The following CCDC14 variants were observed in gnomAD, a reference collection of about 807,000 sequenced individuals.
The protein encoded by CCDC14 is coiled-coil domain containing 14.
A neutral mutation model predicts 81.4 loss-of-function variants in CCDC14; 71 were observed. The ratio of observed to expected loss-of-function variants is 0.87; its 90% CI spans 0.72 to 1.06. CCDC14 has a LOEUF of 1.06. Among genes scored for constraint, CCDC14 ranks in the 50% least tolerant of loss-of-function variants. CCDC14 has a pLI of 0.00. For missense variants in CCDC14, 1,046 were observed against 1,047.3 expected (o/e 1.00, Z 0.02); for synonymous variants, 332 against 364.8 (o/e 0.91, Z 1.03).
At position 123,943,806 on chromosome 3, in the gene CCDC14, C is replaced by T. The variant is rs1358966823; in HGVS notation, c.1343+1043G>A. ...GCTTTCTAGAGGGTGGTGCACCCAC[C>T]GAGGGCATAGAAGCTCCATGCCCTT... is the stretch of plus-strand genomic sequence containing the variant. On this transcript the variant is annotated intron_variant, in intron 9 of 12. Transcript: ENST00000409697. Among the ~76,000 whole-genome samples, 3 of 152,246 alleles carry T rather than the reference C, an allele frequency of 2.0e-5. No homozygotes were observed. The East Asian group carries it at 5.8e-4, about 29-fold the overall frequency.
At chr3:123,927,068 A>G (rs560961765) in intron 12 of CCDC14, among the ~76,000 whole-genome samples, 40 of 152,228 alleles carry the variant, frequency 2.6e-4, no homozygotes, top group African/African-American at 9.2e-4. Flanking sequence ...AACAATGTGG[A>G]TGAATTTAGA....
intron 8 of CCDC14, among the ~76,000 whole-genome samples, chr3:123,945,562 T>C (rs1183278265): frequency 6.6e-6 from 1 of 152,084 alleles, no homozygotes; most frequent in East Asian, 1.9e-4. Context: ...TTGTGGACAG[T>C]AGATGTTTTT....
downstream of CCDC14, among the ~76,000 whole-genome samples, chr3:123,910,144 C>T (rs1055682866): frequency 6.6e-6 from 1 of 151,970 alleles, no homozygotes; most frequent in Non-Finnish European, 1.5e-5. Context: ...TGAAAATGGC[C>T]ACCCATGACT....
chr3:123,913,618 A>C lies in CCDC14; in HGVS notation c.*1161T>G. The C allele has an allele frequency of 1.0e-6, 1 of 984,542 alleles. No individual in the cohort carries two copies. Among genetic ancestry groups the C allele is most frequent in the African/African-American group, 1.7e-5 (1 of 57,234 alleles). The allele number at this position is 984,542 out of a possible 1,614,324, so 61.0% of individuals were successfully genotyped here. The stretch of plus-strand genomic sequence containing the variant: ...CTTAAATCTCTATCTGGAAAATCTG[A>C]ACATATCAAAGAGACTACAGCTGGC... On this transcript the variant is annotated 3_prime_UTR_variant, in exon 13 of 13. Coordinates refer to ENST00000409697, the MANE Select transcript of CCDC14 (RefSeq NM_001366335.1).
chr3:123,956,510 C>T (rs2037335465), intron 2 of CCDC14, 83 bp from the exon 3 acceptor site: 6 of 1,023,848 alleles, frequency 5.9e-6, no homozygotes, highest in Non-Finnish European at 8.6e-6. Context: ...CCAGCAAAGA[C>T]AAGAAAGCTT....
chr3:123,903,167 A>G (rs925296798), intron 5 of CCDC14, among the ~76,000 whole-genome samples: 2 of 152,206 alleles, frequency 1.3e-5, no homozygotes, highest in Non-Finnish European at 2.9e-5. Context: ...AAAATGAAAC[A>G]GAAGGAATTG....
rs867306107 is a variant in CCDC14 at position 123,933,091 on chromosome 3, C to T, written c.1426+582G>A. Among the ~76,000 whole-genome samples, 4 of 114,004 alleles carry T rather than the reference C, an allele frequency of 3.5e-5. No homozygotes were observed. The Middle Eastern group carries it at 0.014, about 385-fold the overall frequency. 74.8% of individuals were successfully genotyped at this position (114,004 alleles called of 152,430 possible). The stretch of plus-strand genomic sequence containing the variant: ...TCCAGCCTGGGCCACAGAGTGACGC[C>T]GTCTCAAAACAAACAAACAAACAAA... On this transcript the variant is annotated intron_variant, in intron 10 of 12. Coordinates refer to ENST00000409697, the MANE Select transcript of CCDC14 (RefSeq NM_001366335.1).
chr3:123,938,329 C>G (rs1034440942), intron 9 of CCDC14, among the ~76,000 whole-genome samples: 2 of 151,802 alleles, frequency 1.3e-5, no homozygotes, highest in African/African-American at 4.8e-5. Flanking sequence ...GTGTATGGGT[C>G]TTACATATTT....
chr3:123,895,467 A>G (rs1204435786), downstream of CCDC14, among the ~76,000 whole-genome samples: 1 of 152,176 alleles, frequency 6.6e-6, no homozygotes, highest in Non-Finnish European at 1.5e-5. Context: ...CTGAGGCTAA[A>G]AGTCTGCTAG....
At chr3:123,912,925 T>C (rs76331311), downstream of CCDC14, among the ~76,000 whole-genome samples, 3,115 of 152,200 alleles carry the variant, frequency 0.02, 40 homozygotes, top group Middle Eastern at 0.034. Context: ...CATCCTAATA[T>C]ACCAAATTCA....
downstream of CCDC14, among the ~76,000 whole-genome samples, chr3:123,908,499 T>C (rs1192248713): frequency 6.6e-6 from 1 of 152,250 alleles, no homozygotes; most frequent in African/African-American, 2.4e-5. Flanking sequence ...ATGCACCATG[T>C]TATTCAAGTG....
intron 5 of CCDC14, chr3:123,949,559 C>CAA (rs2036886989): frequency 6.5e-6 from 1 of 154,758 alleles, no homozygotes; most frequent in Non-Finnish European, 1.4e-5. Flanking sequence ...AAAAACAAAA[C>CAA]AAAACAAAAC....
downstream of CCDC14, among the ~76,000 whole-genome samples, chr3:123,911,842 TA>T (rs769010851): frequency 4.6e-5 from 7 of 152,208 alleles, no homozygotes; most frequent in Non-Finnish European, 8.8e-5. Context: ...AATGCTGCCC[TA>T]CTTTCCATGT....
downstream of CCDC14, among the ~76,000 whole-genome samples, chr3:123,911,218 T>C (rs2034437313): frequency 1.3e-5 from 2 of 152,190 alleles, no homozygotes; most frequent in Non-Finnish European, 1.5e-5. Context: ...TCTAAGATCT[T>C]ATCATCTCTG....
At chr3:123,897,639 A>G (rs1246231436) in intron 5 of CCDC14, 4 of 1,055,844 alleles carry the variant, frequency 3.8e-6, no homozygotes, top group Non-Finnish European at 4.8e-6. Flanking sequence ...TGACAACATA[A>G]ATAAATATAA....
intron 1 of CCDC14, chr3:123,957,705 G>A (rs1396630383): frequency 6.6e-6 from 1 of 151,964 alleles, no homozygotes; most frequent in Non-Finnish European, 1.5e-5. Flanking sequence ...CCTCTGGGGA[G>A]GGAAACAGAG....
chr3:123,909,547 A>C (rs768448821), downstream of CCDC14, among the ~76,000 whole-genome samples: 2 of 152,202 alleles, frequency 1.3e-5, no homozygotes, highest in Non-Finnish European at 2.9e-5. Flanking sequence ...GTCACATGCT[A>C]AACAGATTTT....
downstream of CCDC14, among the ~76,000 whole-genome samples, chr3:123,894,774 C>G (rs1331207752): frequency 6.6e-6 from 1 of 152,124 alleles, no homozygotes; most frequent in African/African-American, 2.4e-5. Flanking sequence ...TTAAATATAA[C>G]TGATTTTTGT....
At chr3:123,957,876 C>G (rs1386254496) in intron 1 of CCDC14, 1 of 152,038 alleles carries the variant, frequency 6.6e-6, no homozygotes, top group Non-Finnish European at 1.5e-5. Context: ...GATGTAGTCA[C>G]TGTTGGCAGT....
Sources: gnomAD v4.1 joint callset for allele counts (sites outside exome capture counted in the v4.1 genomes callset) on GRCh38, gnomAD v4.1.1 for gene constraint, MANE v1.5 for transcripts, NCBI Gene and HGNC (gene_info 2026-07-23, HGNC 2026-07-21) for gene names.